The following NCAPG2 variants were observed in gnomAD, a reference collection of about 807,000 sequenced individuals.
NCAPG2 encodes non-SMC condensin II complex subunit G2, also known as condensin-2 complex subunit G2.
A neutral mutation model predicts 141.1 loss-of-function variants in NCAPG2; 53 were observed. The observed-to-expected ratio is 0.38, with a 90% CI of 0.30 to 0.47. The LOEUF is 0.47. NCAPG2 is among the 20% of genes least tolerant of loss of function. NCAPG2 has a pLI of 0.99. For missense variants in NCAPG2, 1,087 were observed against 1,389.0 expected (o/e 0.78, Z 3.46); for synonymous variants, 499 against 490.7 (o/e 1.02, Z -0.22).
At chr7:158,683,675 C>G (rs1345645317) in intron 8 of NCAPG2, among the ~76,000 whole-genome samples, 3 of 152,164 alleles carry the variant, frequency 2.0e-5, no homozygotes, top group Non-Finnish European at 4.4e-5. Flanking sequence ...AAGGCTAGTT[C>G]AAATCAGACA....
intron 24 of NCAPG2, among the ~76,000 whole-genome samples, chr7:158,648,256 G>T (rs1378024704): frequency 6.6e-6 from 1 of 151,804 alleles, no homozygotes; most frequent in Non-Finnish European, 1.5e-5. Context: ...ATTTCTGAAG[G>T]TACTGAGATA....
rs1832737782 is a variant in NCAPG2, at chr7:158,664,180, T to G, written c.1815+4A>C. The stretch of plus-strand genomic sequence containing the variant: ...TCTGCCCGGCCTGGCCCTGTTCTAC[T>G]CACAGTCACATTCTCCTTCTCCCTT... On this transcript the variant is annotated splice_donor_region_variant and intron_variant, in intron 15 of 27. Coordinates refer to ENST00000356309, the MANE Select transcript of NCAPG2 (RefSeq NM_017760.7). 1 of 1,595,862 alleles carries G rather than the reference T, an allele frequency of 6.3e-7. No individual in the cohort carries two copies. The highest frequency in any genetic ancestry group is 2.2e-5 in the East Asian group (1 of 44,786).
At chr7:158,704,460 C>A (rs1049501304) in intron 1 of NCAPG2, among the ~76,000 whole-genome samples, 5 of 152,110 alleles carry the variant, frequency 3.3e-5, no homozygotes, top group Non-Finnish European at 5.9e-5. Flanking sequence ...TCTCTGAGGG[C>A]AGTGCCCGCG....
In NCAPG2 at chr7:158,690,778, A is replaced by G. The variant is rs905452457; in HGVS notation, c.383-56T>C. On this transcript the variant is annotated intron_variant, in intron 4 of 27. Coordinates refer to ENST00000356309, the MANE Select transcript of NCAPG2 (RefSeq NM_017760.7). ...GTAAGGCAAATTCTTATTACTTCAG[A>G]GTCAACAGTTTAGAGTATCATGACT... 3.6e-5 allele frequency: 54 copies of G among 1,504,456 alleles called. No individual in the cohort carries two copies. In the Admixed American group the frequency reaches 9.6e-4, roughly 27 times the overall value. 93.2% of individuals were successfully genotyped at this position (1,504,456 alleles called of 1,614,324 possible).
intron 1 of NCAPG2, among the ~76,000 whole-genome samples, chr7:158,703,380 T>C (rs952436364): frequency 3.3e-5 from 5 of 152,238 alleles, no homozygotes; most frequent in Non-Finnish European, 5.9e-5. Flanking sequence ...CACTTTTTCA[T>C]AGTTCTGGTC....
At chr7:158,637,500 C>T (rs973602202) in intron 27 of NCAPG2, among the ~76,000 whole-genome samples, 6 of 1,444 alleles carry the variant, frequency 4.2e-3, no homozygotes, top group African/African-American at 8.6e-3. Context: ...CAGACAACTA[C>T]CCCACAAGCC....
intron 27 of NCAPG2, chr7:158,640,229 G>A (rs1052950960): frequency 2.6e-5 from 4 of 152,190 alleles, no homozygotes; most frequent in African/African-American, 9.7e-5. Flanking sequence ...GAGCCAAGAA[G>A]AGAGTATAGC....
At chr7:158,699,343 C>T (rs1835648820) in intron 2 of NCAPG2, among the ~76,000 whole-genome samples, 1 of 152,182 alleles carries the variant, frequency 6.6e-6, no homozygotes, top group African/African-American at 2.4e-5. Context: ...GGAACACTTG[C>T]TTGAAAATAA....
chr7:158,654,200 C>G (rs983007150), intron 22 of NCAPG2, among the ~76,000 whole-genome samples: 2 of 152,178 alleles, frequency 1.3e-5, no homozygotes, highest in Non-Finnish European at 2.9e-5. Flanking sequence ...TCCGGGGGTC[C>G]TGGTGGGGTA....
intron 26 of NCAPG2, 69 bp from the exon 27 acceptor site, chr7:158,644,457 A>G: frequency 7.5e-7 from 1 of 1,338,360 alleles, no homozygotes. Flanking sequence ...ACTCTGGTAC[A>G]CATGTGGTAC....
intron 13 of NCAPG2, among the ~76,000 whole-genome samples, chr7:158,670,171 A>G (rs1307827833): frequency 6.6e-6 from 1 of 152,242 alleles, no homozygotes; most frequent in Middle Eastern, 3.2e-3. Flanking sequence ...TTAATACTAC[A>G]TTGGTCACTC....
At position 158,631,171 on chromosome 7, in the gene NCAPG2, G is replaced by C. The variant is rs1211502647; in HGVS notation, c.*495C>G. On this transcript the variant is annotated 3_prime_UTR_variant, in exon 28 of 28. Transcript: ENST00000356309. Reference sequence around the variant, plus strand: ...CTAATTTTGTATTTTTGGTAGAGACGGGGTTTCACCATGTTGTCTAGGCTG... The same window carrying C: ...CTAATTTTGTATTTTTGGTAGAGACCGGGTTTCACCATGTTGTCTAGGCTG... 1 of 155,884 alleles carries C rather than the reference G, an allele frequency of 6.4e-6. No homozygotes were observed. The highest frequency in any genetic ancestry group is 1.9e-4 in the East Asian group (1 of 5,280). The allele number at this position is 155,884 out of a possible 1,614,324, so 9.7% of individuals were successfully genotyped here.
At chr7:158,650,763 C>T (rs199661291) in intron 24 of NCAPG2, 69 bp downstream of exon 24, 32 of 1,502,420 alleles carry the variant, frequency 2.1e-5, no homozygotes, top group Non-Finnish European at 2.4e-5. Context: ...AGAGAATGTA[C>T]TGCTAGTAGA....
At chr7:158,667,034 G>T in intron 13 of NCAPG2, 1 of 730,060 alleles carries the variant, frequency 1.4e-6, no homozygotes, top group Non-Finnish European at 1.7e-6. Flanking sequence ...CCTCCCGTCA[G>T]CTCCAACAGC....
intron 13 of NCAPG2, chr7:158,668,258 GGGTCCCTCTGCCCTCCTTACCTA>G: frequency 2.2e-6 from 1 of 460,594 alleles, no homozygotes; most frequent in Non-Finnish European, 2.4e-6. Context: ...ACCCACTACT[GGGTCCCTCTGCCCTCCTTACCTA>G]CCTTGTGTCC....
rs566378169 is a variant in NCAPG2, at chr7:158,664,515, C to T, written c.1702+13G>A. 18 of 1,610,596 alleles carry T rather than the reference C, an allele frequency of 1.1e-5. No individual in the cohort carries two copies. The highest frequency in any genetic ancestry group is 9.9e-5 in the South Asian group (9 of 90,790). On this transcript the variant is annotated intron_variant, in intron 14 of 27. Transcript: ENST00000356309. Reference sequence around the variant, plus strand: ...AAACATAACAAGAACTGAGAAATAACAGCACTCCCTACCTATGTTGGTGCA... The same window carrying T: ...AAACATAACAAGAACTGAGAAATAATAGCACTCCCTACCTATGTTGGTGCA...
chr7:158,646,337 A>G (rs1831014262), intron 25 of NCAPG2, 123 bp downstream of exon 25: 1 of 643,820 alleles, frequency 1.6e-6, no homozygotes, highest in African/African-American at 1.9e-5. Context: ...ATTATATGAA[A>G]CATTTTTCTC....
chr7:158,650,061 T>A (rs1473257826), intron 24 of NCAPG2, among the ~76,000 whole-genome samples: 1 of 152,272 alleles, frequency 6.6e-6, no homozygotes, highest in Non-Finnish European at 1.5e-5. Context: ...TAGCTACATT[T>A]TTTTTTCTTT....
Position 158,656,262 on chromosome 7 carries a change from T to G in NCAPG2, c.2386A>C (p.Lys796Gln), listed in dbSNP as rs765978317. ...NHLLKALETS[K>Q]ADLESLLQTP... ...CAACTCTCAGGGCACAGAGTTACCT[T>G]TGACGTTTCAAGGGCTTTCAAAAGA... Residue 796 changes from lysine (K) to glutamine (Q), a missense_variant and splice_region_variant, in exon 19 of 28, where the codon AAG (lysine) becomes CAG (glutamine). Lys to Gln is a moderately conservative substitution (Grantham distance 53). Transcript: ENST00000356309. 2 of 1,613,902 alleles carry G rather than the reference T, an allele frequency of 1.2e-6. No homozygotes were observed. Among genetic ancestry groups the G allele is most frequent in the Non-Finnish European group, 1.7e-6 (2 of 1,179,888 alleles).
Sources: allele counts gnomAD v4.1 joint callset (sites outside exome capture counted in the v4.1 genomes callset), GRCh38; gene constraint gnomAD v4.1.1; transcripts MANE v1.5; gene names NCBI Gene and HGNC (gene_info 2026-07-23, HGNC 2026-07-21).